The following HJURP variants were observed in gnomAD, a reference collection of about 807,000 sequenced individuals.
The protein encoded by HJURP is Holliday junction recognition protein.
Under a neutral mutation model 72.0 loss-of-function variants are expected in HJURP, and 49 were observed. That is an observed-to-expected ratio of 0.68 (90% confidence interval 0.54 to 0.86). The LOEUF is 0.86. Ranked by LOEUF, HJURP falls within the 40% of genes least tolerant of loss-of-function variation. The pLI is 0.00. For missense variants in HJURP, 908 were observed against 936.3 expected (o/e 0.97, Z 0.39); for synonymous variants, 357 against 347.1 (o/e 1.03, Z -0.32).
rs61740311 is a variant in HJURP, at chr2:233,847,253, T to C, written c.402+144A>G. On this transcript the variant is annotated intron_variant, in intron 5 of 8. Coordinates refer to ENST00000411486, the MANE Select transcript of HJURP (RefSeq NM_018410.5). ...GAATCGACACGAGGAAATCCGAGAC[T>C]TGGAAGTAGCAAAAGCCAGCCTCAG... 2,958 of 665,418 alleles carry C rather than the reference T, an allele frequency of 4.4e-3. 62 individuals carry two copies. The African/African-American group carries it at 0.046, about 10-fold the overall frequency. The allele number at this position is 665,418 out of a possible 1,614,324, so 41.2% of individuals were successfully genotyped here.
intron 1 of HJURP, 90 bp from the exon 2 acceptor site, chr2:233,854,000 G>A: frequency 2.5e-6 from 3 of 1,192,046 alleles, no homozygotes; most frequent in South Asian, 1.3e-5. Flanking sequence ...GTGAGAGGCC[G>A]TTAGTCTGGC....
intron 7 of HJURP, among the ~76,000 whole-genome samples, chr2:233,842,418 G>C (rs558273664): frequency 6.6e-5 from 10 of 152,220 alleles, no homozygotes; most frequent in Middle Eastern, 3.4e-3. Context: ...TTTCCCAAAG[G>C]TGTCTTCCTT....
intron 4 of HJURP, among the ~76,000 whole-genome samples, chr2:233,848,995 G>A (rs907587797): frequency 5.3e-5 from 8 of 152,314 alleles, no homozygotes; most frequent in African/African-American, 1.9e-4. Flanking sequence ...AATGGAGAGC[G>A]CAAAACCCAA....
At chr2:233,839,246 T>C (rs1367466592) in intron 8 of HJURP, among the ~76,000 whole-genome samples, 2 of 152,230 alleles carry the variant, frequency 1.3e-5, no homozygotes, top group Non-Finnish European at 2.9e-5. Context: ...GACTGGTCTG[T>C]GTCCAGACAG....
chr2:233,854,455 C>G lies in HJURP; in HGVS notation c.46G>C (p.Asp16His). The change falls in exon 1 of 9, where the codon GAC (aspartate) becomes CAC (histidine). Residue 16 changes from aspartate to histidine, a missense_variant. By Grantham distance (81) the Asp-to-His change is moderately conservative. Transcript: ENST00000411486. Reference protein sequence around the residue: ...RAMEGEDVEDDQLLQKLRASR... With the variant: ...RAMEGEDVEDHQLLQKLRASR... ...GCCCTGAGCTTCTGCAGCAGCTGGT[C>G]GTCTTCCACGTCCTCGCCCTCCATG... The G allele has an allele frequency of 6.2e-7, 1 of 1,612,640 alleles. No homozygotes were observed. The highest frequency in any genetic ancestry group is 2.2e-5 in the East Asian group (1 of 44,744).
chr2:233,847,853 G>A (rs1240478842), intron 4 of HJURP, among the ~76,000 whole-genome samples: 2 of 152,216 alleles, frequency 1.3e-5, no homozygotes, highest in Non-Finnish European at 2.9e-5. Context: ...TGGCCAGTAA[G>A]GCTGAGGAAA....
chr2:233,847,423 C>T lies in HJURP; in HGVS notation c.376G>A (p.Glu126Lys), dbSNP rs1208939805. 1 of 1,614,144 alleles carries T rather than the reference C, an allele frequency of 6.2e-7. No homozygotes were observed. ...SGEVDATSDQ[E>K]ESVAWALAPA... is the part of the protein sequence containing the mutation. Reference sequence around the variant, plus strand: ...GCTAAGGCCCAAGCAACTGACTCTTCCTGGTCTGACGTGGCATCGACCTCA... The same window carrying T: ...GCTAAGGCCCAAGCAACTGACTCTTTCTGGTCTGACGTGGCATCGACCTCA... Residue 126 changes from glutamate (E) to lysine (K), a missense_variant, in exon 5 of 9, where the codon GAA becomes AAA. Physicochemically the swap from Glu to Lys is moderately conservative, Grantham distance 56. Transcript: ENST00000411486.
Position 233,840,784 on chromosome 2 carries a change from G to C in HJURP, c.1996C>G (p.Arg666Gly), listed in dbSNP as rs776596536. The change falls in exon 8 of 9, where the codon CGT becomes GGT. Residue 666 changes from arginine to glycine, a missense_variant. Physicochemically the swap from Arg to Gly is moderately radical, Grantham distance 125. Around this residue, in one of 3 missense-constraint regions of HJURP, gnomAD observed 598 missense variants for 619.5 expected, o/e 0.97. Coordinates refer to ENST00000411486, the MANE Select transcript of HJURP (RefSeq NM_018410.5). Reference protein sequence around the residue: ...IEAPSSTCVARAITRDGTRDH... With the variant: ...IEAPSSTCVAGAITRDGTRDH... ...CTCGTGCCATCCCTCGTGATGGCAC[G>C]AGCAACACATGTAGATGAAGGAGCC... 2 of 1,613,516 alleles carry C rather than the reference G, an allele frequency of 1.2e-6. No individual in the cohort carries two copies. Among genetic ancestry groups the C allele is most frequent in the South Asian group, 1.1e-5 (1 of 91,014 alleles).
rs1312872121 is a variant in HJURP, at chr2:233,846,675, T to C, written c.402+722A>G. 2.0e-5 allele frequency among the ~76,000 whole-genome samples: 3 copies of C among 152,156 alleles called. No individual in the cohort carries two copies. The highest frequency in any genetic ancestry group is 7.2e-5 in the African/African-American group (3 of 41,434). Reference sequence around the variant, plus strand: ...CTTTCTTCCCCAGGACCACGGCCTTTTTCTTAGTCACTGAAAGTCACACAT... The same window carrying C: ...CTTTCTTCCCCAGGACCACGGCCTTCTTCTTAGTCACTGAAAGTCACACAT... On this transcript the variant is annotated intron_variant, in intron 5 of 8. Coordinates refer to ENST00000411486, the MANE Select transcript of HJURP (RefSeq NM_018410.5). The surrounding 1 kb of genome is among the most constrained non-coding windows in gnomAD (Gnocchi z 4.3).
In HJURP at chr2:233,840,884, G is replaced by A. The variant is rs1440985853; in HGVS notation, c.1896C>T (p.His632=). The A allele has an allele frequency of 3.1e-6, 5 of 1,614,176 alleles. No individual in the cohort carries two copies. Among genetic ancestry groups the A allele is most frequent in the Admixed American group, 1.7e-5 (1 of 60,030 alleles). Residue 632 remains histidine, a synonymous_variant, in exon 8 of 9, where the codon CAC becomes CAT. Transcript: ENST00000411486. The part of the protein sequence containing the change: ...GFLGKLNPDP[H]FQGFQKLPSS... ...ATGGCAACTTCTGGAAACCCTGGAA[G>A]TGAGGGTCTGGATTTAATTTTCCTA...
chr2:233,837,358 C>G lies in HJURP; in HGVS notation c.*219G>C. 2.6e-6 allele frequency: 1 copy of G among 389,810 alleles called. No individual in the cohort carries two copies. Among genetic ancestry groups the G allele is most frequent in the Non-Finnish European group, 4.6e-6 (1 of 216,614 alleles). 24.1% of individuals were successfully genotyped at this position (389,810 alleles called of 1,614,324 possible). On this transcript the variant is annotated 3_prime_UTR_variant, in exon 9 of 9. Transcript: ENST00000411486. ...AAAACACACACATCAGAAAAACAGGCCTATCAAAGAGAACCCTAAAAATTC... is the reference window on the plus strand; with the variant it reads ...AAAACACACACATCAGAAAAACAGGGCTATCAAAGAGAACCCTAAAAATTC...
In HJURP at chr2:233,841,790, A is replaced by G. The variant is rs1167245508; in HGVS notation, c.990T>C (p.Pro330=). 1 of 1,614,044 alleles carries G rather than the reference A, an allele frequency of 6.2e-7. No homozygotes were observed. Among genetic ancestry groups the G allele is most frequent in the East Asian group, 2.2e-5 (1 of 44,894 alleles). ...CTCTTAATGCCCCTGTCCCTTTCACAGGCTCAGAGCAGGGTATGAAGTTCT... is the reference window on the plus strand; with the variant it reads ...CTCTTAATGCCCCTGTCCCTTTCACGGGCTCAGAGCAGGGTATGAAGTTCT... ...SKENFIPCSE[P]VKGTGALRDC... The change falls in exon 8 of 9, where the codon CCT becomes CCC. Residue 330 remains proline, a synonymous_variant. Transcript: ENST00000411486.
intron 7 of HJURP, 34 bp downstream of exon 7, chr2:233,844,171 C>T (rs769483346): frequency 4.6e-5 from 72 of 1,582,126 alleles, no homozygotes; most frequent in South Asian, 6.6e-5. Context: ...GAAGGAAACA[C>T]GCACTGTTCA....
chr2:233,845,736 A>C lies in HJURP; in HGVS notation c.487T>G (p.Tyr163Asp), dbSNP rs1705346555. Reference protein sequence around the residue: ...QVDILLQGAEYFECAGNRAGR... With the variant: ...QVDILLQGAEDFECAGNRAGR... The stretch of plus-strand genomic sequence containing the variant: ...ACTGGGAAACAGATTACCTCAAAAT[A>C]CTCTGCACCTTGTAGCAGTATATCC... The change falls in exon 6 of 9, where the codon TAT becomes GAT. Residue 163 changes from tyrosine (Y) to aspartate (D), a missense_variant. Physicochemically the swap from Tyr to Asp is radical, Grantham distance 160. Around this residue, in one of 3 missense-constraint regions of HJURP, gnomAD observed 299 missense variants for 286.7 expected, o/e 1.04. Transcript: ENST00000411486. 6.2e-7 allele frequency: 1 copy of C among 1,600,594 alleles called. No homozygotes were observed. The highest frequency in any genetic ancestry group is 1.1e-5 in the South Asian group (1 of 90,576).
At chr2:233,844,080 T>C in intron 7 of HJURP, 125 bp downstream of exon 7, 1 of 708,244 alleles carries the variant, frequency 1.4e-6, no homozygotes, top group Admixed American at 2.3e-5. Flanking sequence ...CTCTAACAAG[T>C]TATGTTGATG....
chr2:233,837,323 C>A lies in HJURP; in HGVS notation c.*254G>T. 6.4e-6 allele frequency: 2 copies of A among 311,054 alleles called. No homozygotes were observed. Among genetic ancestry groups the A allele is most frequent in the South Asian group, 5.3e-5 (1 of 18,840 alleles). The allele number at this position is 311,054 out of a possible 1,614,324, so 19.3% of individuals were successfully genotyped here. ...AAACAAACAAACAAACAAATAACCCCCCCCCAAAAAAAACACACACATCAG... is the reference window on the plus strand; with the variant it reads ...AAACAAACAAACAAACAAATAACCCACCCCCAAAAAAAACACACACATCAG... On this transcript the variant is annotated 3_prime_UTR_variant, in exon 9 of 9. Coordinates refer to ENST00000411486, the MANE Select transcript of HJURP (RefSeq NM_018410.5).
At position 233,841,896 on chromosome 2, in the gene HJURP, G is replaced by C. The variant is rs3732215; in HGVS notation, c.884C>G (p.Ser295Cys). 0.5 allele frequency: 805,263 copies of C among 1,613,742 alleles called. 208,105 individuals are homozygous for C. The highest frequency in any genetic ancestry group is 0.53 in the Non-Finnish European group (623,052 of 1,179,814). Residue 295 changes from serine (S) to cysteine (C), a missense_variant, in exon 8 of 9, where the codon TCC (serine) becomes TGC (cysteine). By Grantham distance (112) the Ser-to-Cys change is moderately radical. This residue lies in a region of HJURP where 598 missense variants were observed against 619.5 expected (regional missense o/e 0.97). Transcript: ENST00000411486. ...GCTCTTATATCTGTGCCTCCTCCTG[G>C]AGTTCCAGTTTTGCATGATGAACGT... Reference protein sequence around the residue: ...TKTFIMQNWNSRRRHRYKSRM... With the variant: ...TKTFIMQNWNCRRRHRYKSRM...
Position 233,854,411 on chromosome 2 carries a change from C to G in HJURP, c.90G>C (p.Gln30His), listed in dbSNP as rs747259204. ...TCTCTATCAGCCGCTGCATGCGCCT[C>G]TGGAAGCGGCGGCGACTGGCCCTGA... Reference protein sequence around the residue: ...QKLRASRRRFQRRMQRLIEKY... With the variant: ...QKLRASRRRFHRRMQRLIEKY... Residue 30 changes from glutamine (Q) to histidine (H), a missense_variant, in exon 1 of 9, where the codon CAG becomes CAC. Gln to His is a conservative substitution (Grantham distance 24). Around this residue, in one of 3 missense-constraint regions of HJURP, gnomAD observed 299 missense variants for 286.7 expected, o/e 1.04. Coordinates refer to ENST00000411486, the MANE Select transcript of HJURP (RefSeq NM_018410.5). The G allele has an allele frequency of 2.5e-6, 4 of 1,608,014 alleles. No homozygotes were observed. In the South Asian group the frequency reaches 3.3e-5, roughly 13 times the overall value.
intron 3 of HJURP, among the ~76,000 whole-genome samples, chr2:233,851,153 C>T (rs1705486354): frequency 6.6e-6 from 1 of 152,170 alleles, no homozygotes; most frequent in Non-Finnish European, 1.5e-5. Flanking sequence ...AAACTTTTTG[C>T]TACCAGGACC....
Sources: gnomAD v4.1 joint callset for allele counts (sites outside exome capture counted in the v4.1 genomes callset) on GRCh38, gnomAD v4.1.1 for gene constraint, gnomAD v4.1.1 regional missense constraint, Gnocchi (gnomAD v3.1) non-coding constraint, MANE v1.5 for transcripts, NCBI Gene and HGNC (gene_info 2026-07-23, HGNC 2026-07-21) for gene names.